DCLRE1A: variants seen among roughly 807,000 people sequenced by gnomAD.
The protein encoded by DCLRE1A is DNA cross-link repair 1A protein.
Under a neutral mutation model 91.9 loss-of-function variants are expected in DCLRE1A, and 64 were observed. The observed-to-expected ratio is 0.70, with a 90% CI of 0.57 to 0.86. DCLRE1A has a LOEUF of 0.86. DCLRE1A is among the 40% of genes least tolerant of loss of function. The pLI is 0.00. For missense variants in DCLRE1A, 1,145 were observed against 1,213.3 expected, an observed-to-expected ratio of 0.94 and a Z score of 0.84; for synonymous variants, 416 against 431.1, an observed-to-expected ratio of 0.96 and a Z score of 0.43.
In DCLRE1A at chr10:113,853,953, T is replaced by C. The variant is rs1403060022; in HGVS notation, c.-771A>G. Reference sequence around the variant, plus strand: ...CGTATTGCACCCATGGTTCCGAAGGTGGCCAGCCCTCTGTCCACCTGACTC... The same window carrying C: ...CGTATTGCACCCATGGTTCCGAAGGCGGCCAGCCCTCTGTCCACCTGACTC... On this transcript the variant is annotated 5_prime_UTR_variant, in exon 1 of 9. Transcript: ENST00000361384. The C allele has an allele frequency of 6.6e-6, 1 of 152,150 alleles. No homozygotes were observed. Among genetic ancestry groups the C allele is most frequent in the East Asian group, 1.9e-4 (1 of 5,192 alleles). 9.4% of individuals were successfully genotyped at this position (152,150 alleles called of 1,614,324 possible).
At chr10:113,838,453 T>C (rs772234014) in intron 7 of DCLRE1A, among the ~76,000 whole-genome samples, 4 of 152,202 alleles carry the variant, frequency 2.6e-5, no homozygotes, top group Admixed American at 6.5e-5. Context: ...GTGGGACAAA[T>C]TGGAGTTACC....
intron 7 of DCLRE1A, among the ~76,000 whole-genome samples, chr10:113,840,875 C>G (rs1179565810): frequency 6.6e-6 from 1 of 152,144 alleles, no homozygotes; most frequent in Non-Finnish European, 1.5e-5. Flanking sequence ...AATAAGCCCC[C>G]AAATCCCAGC....
Position 113,837,205 on chromosome 10 carries a change from T to C in DCLRE1A, c.2821-2A>G. ...CTTCTTCAAATGACTCTGTAAGCCC[T>C]GTTAAATTAAAATAGCATATTGAGG... On this transcript the variant is annotated splice_acceptor_variant, in intron 7 of 8. Transcript: ENST00000361384. LOFTEE classifies it high-confidence loss of function. 2 of 1,606,338 alleles carry C rather than the reference T, an allele frequency of 1.2e-6. No individual in the cohort carries two copies. The highest frequency in any genetic ancestry group is 1.7e-6 in the Non-Finnish European group (2 of 1,177,616).
chr10:113,847,365 G>A, intron 2 of DCLRE1A, 30 bp from the exon 3 acceptor site: 1 of 1,611,172 alleles, frequency 6.2e-7, no homozygotes, highest in South Asian at 1.1e-5. Context: ...ACAGTAGGTT[G>A]AGCAAGAGCT....
rs1488417193 is a variant in DCLRE1A, at chr10:113,849,989, A to G, written c.1116T>C (p.Asp372=). The G allele has an allele frequency of 6.8e-6, 11 of 1,614,064 alleles. No homozygotes were observed. Among genetic ancestry groups the G allele is most frequent in the Admixed American group, 1.7e-5 (1 of 60,000 alleles). Residue 372 remains aspartate (D), a synonymous_variant, in exon 2 of 9, where the codon GAT becomes GAC. Transcript: ENST00000361384. ...VNSFLTRDKY[D]EGLYRFNSLN... ...GACTATTGAATCTATACAATCCTTC[A>G]TCATACTTATCCCGAGTTAAGAAGC...
rs1472662653 is a variant in DCLRE1A at position 113,850,422 on chromosome 10, G to A, written c.683C>T (p.Pro228Leu). The A allele has an allele frequency of 6.2e-6, 10 of 1,614,018 alleles. No individual in the cohort carries two copies. The highest frequency in any genetic ancestry group is 8.5e-6 in the Non-Finnish European group (10 of 1,180,028). Reference protein sequence around the residue: ...NQTDNSVSNDPLLMTQYFKKS... With the variant: ...NQTDNSVSNDLLLMTQYFKKS... ...TTTAAAATACTGTGTCATCAATAAG[G>A]GATCATTTGAAACCGAGTTATCAGT... Residue 228 changes from proline (P) to leucine (L), a missense_variant, in exon 2 of 9, where the codon CCC (proline) becomes CTC (leucine). By Grantham distance (98) the Pro-to-Leu change is moderately conservative (BLOSUM62 -3). Transcript: ENST00000361384.
At chr10:113,850,765 C>A in intron 1 of DCLRE1A, 121 bp from the exon 2 acceptor site, 1 of 704,384 alleles carries the variant, frequency 1.4e-6, no homozygotes, top group South Asian at 2.7e-5. Flanking sequence ...TAAAAAGCAA[C>A]AATTTTAATA....
At chr10:113,838,756 C>G (rs897404059) in intron 7 of DCLRE1A, among the ~76,000 whole-genome samples, 3 of 152,148 alleles carry the variant, frequency 2.0e-5, no homozygotes, top group Non-Finnish European at 2.9e-5. Flanking sequence ...ATTGTTATAA[C>G]ATTTTACCAC....
Position 113,853,455 on chromosome 10 carries a change from T to C in DCLRE1A, c.-273A>G, listed in dbSNP as rs564376402. 1 of 323,206 alleles carries C rather than the reference T, an allele frequency of 3.1e-6. No homozygotes were observed. Among genetic ancestry groups the C allele is most frequent in the South Asian group, 6.8e-5 (1 of 14,758 alleles). 20.0% of individuals were successfully genotyped at this position (323,206 alleles called of 1,614,324 possible). On this transcript the variant is annotated 5_prime_UTR_variant, in exon 1 of 9. Transcript: ENST00000361384. ...GTAGCAACTGTGAAGTTCTCCATTA[T>C]GGGTGCTATTTCATTCAAATATCTT... is the stretch of plus-strand genomic sequence containing the variant.
chr10:113,851,638 A>AG (rs1845651906), intron 1 of DCLRE1A, among the ~76,000 whole-genome samples: 1 of 152,112 alleles, frequency 6.6e-6, no homozygotes, highest in Admixed American at 6.5e-5. Flanking sequence ...TTAATCACCT[A>AG]GGACTCCTTC....
intron 7 of DCLRE1A, among the ~76,000 whole-genome samples, chr10:113,838,547 G>A (rs2134647352): frequency 6.6e-6 from 1 of 152,218 alleles, no homozygotes; most frequent in South Asian, 2.1e-4. Context: ...AAGACTACCA[G>A]CAGCTACAAA....
Position 113,844,085 on chromosome 10 carries a change from C to A in DCLRE1A, c.2519+19G>T, listed in dbSNP as rs1418287974. 1 of 1,612,378 alleles carries A rather than the reference C, an allele frequency of 6.2e-7. No homozygotes were observed. The highest frequency in any genetic ancestry group is 1.1e-5 in the South Asian group (1 of 90,818). On this transcript the variant is annotated intron_variant, in intron 5 of 8. Coordinates refer to ENST00000361384, the MANE Select transcript of DCLRE1A (RefSeq NM_014881.5). ...GCTGTCAGTGGGAAAAGGAAACACA[C>A]AAAAAAAGCCTCTCTTACGTGGTAT...
rs987632180 is a variant in DCLRE1A, at chr10:113,849,075, T to C, written c.2030A>G (p.His677Arg). The C allele has an allele frequency of 4.3e-6, 7 of 1,614,116 alleles. No homozygotes were observed. In the South Asian group the frequency reaches 5.5e-5, roughly 13 times the overall value. ...CTTGTTGCCCCTTTGCAGCCCACCA[T>C]GAGCTGATTTTGTGAAGACTTTGAC... ...SKVKVFTKSA[H>R]GGLQRGNKKI... is the part of the protein sequence containing the mutation. Residue 677 changes from histidine (H) to arginine (R), a missense_variant, in exon 2 of 9, where the codon CAT (histidine) becomes CGT (arginine). By Grantham distance (29) the His-to-Arg change is conservative (BLOSUM62 0). Coordinates refer to ENST00000361384, the MANE Select transcript of DCLRE1A (RefSeq NM_014881.5).
chr10:113,847,095 T>C (rs1324494480), intron 3 of DCLRE1A, 107 bp downstream of exon 3: 23 of 1,112,686 alleles, frequency 2.1e-5, no homozygotes, highest in Non-Finnish European at 2.7e-5. Context: ...CTCATTTTTT[T>C]TCTAGTAGAA....
intron 1 of DCLRE1A, among the ~76,000 whole-genome samples, chr10:113,851,816 C>G (rs1564846392): frequency 6.6e-6 from 1 of 151,778 alleles, no homozygotes; most frequent in Non-Finnish European, 1.5e-5. Context: ...GCCTCGACCT[C>G]TTGGGCTCAG....
chr10:113,846,279 A>G (rs1380471019), intron 3 of DCLRE1A, among the ~76,000 whole-genome samples: 1 of 152,202 alleles, frequency 6.6e-6, no homozygotes, highest in Non-Finnish European at 1.5e-5. Context: ...GACCTGGGGC[A>G]CGTCACTTAA....
In DCLRE1A at chr10:113,849,193, A is replaced by G. The variant is rs1225540371; in HGVS notation, c.1912T>C (p.Cys638Arg). 3 of 1,613,742 alleles carry G rather than the reference A, an allele frequency of 1.9e-6. No homozygotes were observed. The highest frequency in any genetic ancestry group is 1.6e-4 in the Middle Eastern group (1 of 6,084). The change falls in exon 2 of 9, where the codon TGT becomes CGT. Residue 638 changes from cysteine to arginine, a missense_variant. Cys to Arg is a radical substitution (Grantham distance 180). Coordinates refer to ENST00000361384, the MANE Select transcript of DCLRE1A (RefSeq NM_014881.5). ...TCCTGCAGTGAATTTGACTTTCTAC[A>G]TCTCTTTTTTTGACGCTGTGACCTC... ...SERSQRQKKR[C>R]RKSNSLQEGA...
rs1589527886 is a variant in DCLRE1A, at chr10:113,849,798, T to G, written c.1307A>C (p.His436Pro). The change falls in exon 2 of 9, where the codon CAC becomes CCC. Residue 436 changes from histidine (H) to proline (P), a missense_variant. Physicochemically the swap from His to Pro is moderately conservative, Grantham distance 77. Coordinates refer to ENST00000361384, the MANE Select transcript of DCLRE1A (RefSeq NM_014881.5). ...TKAKPDEPEF[H>P]SAQSNKQKQV... ...TTTCTGTTTATTTGATTGAGCTGAG[T>G]GAAATTCTGGCTCATCAGGTTTTGC... 1 of 1,614,106 alleles carries G rather than the reference T, an allele frequency of 6.2e-7. No homozygotes were observed. The highest frequency in any genetic ancestry group is 1.1e-5 in the South Asian group (1 of 91,084).
Position 113,844,153 on chromosome 10 carries a change from GT to G in DCLRE1A, c.2469del (p.Glu823AspfsTer15), listed in dbSNP as rs1564843047. 1.2e-6 allele frequency: 2 copies of G among 1,614,172 alleles called. No homozygotes were observed. The highest frequency in any genetic ancestry group is 1.7e-6 in the Non-Finnish European group (2 of 1,180,034). ...ACTTTCTGGTCCGCAAGAAGAGAAC[GT>G]TCCATGCTGGGATCTGCTCTGAAGT... is the stretch of plus-strand genomic sequence containing the variant. ...TGDFRADPSMERSLLADQKVH... is the reference protein window; with the variant it reads ...TGDFRADPSMXRSLLADQKVH... On this transcript the variant is annotated frameshift_variant, in exon 5 of 9. Coordinates refer to ENST00000361384, the MANE Select transcript of DCLRE1A (RefSeq NM_014881.5). LOFTEE classifies it high-confidence loss of function.
Sources: gnomAD v4.1 joint callset for allele counts (sites outside exome capture counted in the v4.1 genomes callset) on GRCh38, gnomAD v4.1.1 for gene constraint, MANE v1.5 for transcripts, NCBI Gene and HGNC (gene_info 2026-07-23, HGNC 2026-07-21) for gene names.